SZT2: variants seen among roughly 807,000 people sequenced by gnomAD.
The protein encoded by SZT2 is SZT2 subunit of KICSTOR complex.
Under a neutral mutation model 404.2 loss-of-function variants are expected in SZT2, and 216 were observed. The ratio of observed to expected loss-of-function variants is 0.53; its 90% CI spans 0.48 to 0.60. SZT2 has a LOEUF of 0.60. Ranked by LOEUF, SZT2 falls within the 20% of genes least tolerant of loss-of-function variation. SZT2 has a pLI of 0.00. For synonymous variants in SZT2, 1,693 were observed against 1,749.9 expected, an observed-to-expected ratio of 0.97 and a Z score of 0.81; for missense variants, 3,857 against 4,459.2, an observed-to-expected ratio of 0.86 and a Z score of 3.85.
chr1:43,454,116 G>A lies in SZT2; in HGVS notation c.*3636G>A. ...CGAAGCAAGAGAGAGCTGGCTGCCC[G>A]AGGGCCCGGTTGCAATGATGGGACG... is the stretch of plus-strand genomic sequence containing the variant. On this transcript the variant is annotated 3_prime_UTR_variant, in exon 72 of 72. Transcript: ENST00000634258. 1.0e-6 allele frequency: 1 copy of A among 981,270 alleles called. No homozygotes were observed. The highest frequency in any genetic ancestry group is 1.2e-6 in the Non-Finnish European group (1 of 802,816). The allele number at this position is 981,270 out of a possible 1,614,324, so 60.8% of individuals were successfully genotyped here.
In SZT2 at chr1:43,422,670, A is replaced by AC. The variant is rs763449977; in HGVS notation, c.1922+45dup. The AC allele has an allele frequency of 4.2e-3, 2,167 of 511,208 alleles. 1 individual carries two copies. Among genetic ancestry groups the AC allele is most frequent in the Non-Finnish European group, 4.7e-3 (1,866 of 396,758 alleles). 31.7% of individuals were successfully genotyped at this position (511,208 alleles called of 1,614,324 possible). A position where few individuals can be genotyped will look rare whatever the true frequency, so the allele number is the denominator to read the frequency against. ...ATGTCCCTTCACCCCCCGCCCCCCC[A>AC]CCCCCCCGCCACCTCATCCCATGTC... is the stretch of plus-strand genomic sequence containing the variant. On this transcript the variant is annotated intron_variant, in intron 13 of 71. Coordinates refer to ENST00000634258, the MANE Select transcript of SZT2 (RefSeq NM_001365999.1).
At position 43,420,381 on chromosome 1, in the gene SZT2, G is replaced by C; in HGVS notation, c.1261+58G>C. The C allele has an allele frequency of 6.7e-7, 1 of 1,487,404 alleles. No homozygotes were observed. Among genetic ancestry groups the C allele is most frequent in the Non-Finnish European group, 8.9e-7 (1 of 1,119,912 alleles). 92.1% of individuals were successfully genotyped at this position (1,487,404 alleles called of 1,614,324 possible). The stretch of plus-strand genomic sequence containing the variant: ...AGATCTCTCAAGAATTTGTGTGTGG[G>C]AAGACCCACATGTATCACACATGAA... On this transcript the variant is annotated intron_variant, in intron 9 of 71. Transcript: ENST00000634258. This position sits in a 1 kb window ranked among gnomAD's most constrained non-coding sequence, Gnocchi z 5.1.
Position 43,431,724 on chromosome 1 carries a change from G to A in SZT2, c.5097G>A (p.Trp1699Ter). Reference protein sequence around the residue: ...AIETTMNEIRWLLEDEMVGAL... With the variant: ...AIETTMNEIR ...TTGCTGTCTAACTGTAGATCCGCTG[G>A]TTGTTGGAAGATGAGATGGTGGGGG... Residue 1699 changes from tryptophan (W) to a stop codon, truncating the protein, a stop_gained, in exon 36 of 72, where the codon TGG becomes TGA. Coordinates refer to ENST00000634258, the MANE Select transcript of SZT2 (RefSeq NM_001365999.1). LOFTEE classifies it high-confidence loss of function. The A allele has an allele frequency of 6.2e-7, 1 of 1,614,172 alleles. No homozygotes were observed. The highest frequency in any genetic ancestry group is 8.5e-7 in the Non-Finnish European group (1 of 1,180,008).
Position 43,447,656 on chromosome 1 carries a change from G to A in SZT2, c.9398G>A (p.Gly3133Asp). The change falls in exon 67 of 72, where the codon GGC becomes GAC. Residue 3133 changes from glycine to aspartate, a missense_variant. Around this residue, in one of 7 missense-constraint regions of SZT2, gnomAD observed 717 missense variants for 868.2 expected, o/e 0.83. Transcript: ENST00000634258. ...MKPLRMARPG[G>D]PEHNEYALVS... Reference sequence around the variant, plus strand: ...CCATTGCGAATGGCCCGGCCAGGGGGCCCAGAACACAACGAGTATGCCCTG... The same window carrying A: ...CCATTGCGAATGGCCCGGCCAGGGGACCCAGAACACAACGAGTATGCCCTG... The A allele has an allele frequency of 6.2e-7, 1 of 1,614,206 alleles. No individual in the cohort carries two copies. The highest frequency in any genetic ancestry group is 8.5e-7 in the Non-Finnish European group (1 of 1,180,042).
At chr1:43,416,696 G>A (rs1410405051) in intron 7 of SZT2, 55 bp downstream of exon 7, 1 of 1,391,414 alleles carries the variant, frequency 7.2e-7, no homozygotes, top group Non-Finnish European at 9.9e-7. Flanking sequence ...CACAAAGTTG[G>A]GATGGCTGAT....
Position 43,454,112 on chromosome 1 carries a change from G to T in SZT2, c.*3632G>T. ...GACGCGAAGCAAGAGAGAGCTGGCT[G>T]CCCGAGGGCCCGGTTGCAATGATGG... On this transcript the variant is annotated 3_prime_UTR_variant, in exon 72 of 72. Transcript: ENST00000634258. The T allele has an allele frequency of 1.0e-6, 1 of 985,848 alleles. No individual in the cohort carries two copies. Among genetic ancestry groups the T allele is most frequent in the Non-Finnish European group, 1.2e-6 (1 of 806,752 alleles). 61.1% of individuals were successfully genotyped at this position (985,848 alleles called of 1,614,324 possible).
chr1:43,396,897 A>G (rs1649060330), intron 1 of SZT2, among the ~76,000 whole-genome samples: 1 of 152,220 alleles, frequency 6.6e-6, no homozygotes, highest in Non-Finnish European at 1.5e-5. Flanking sequence ...AGAATAGCTT[A>G]CCTTGTCCAT....
Position 43,452,413 on chromosome 1 carries a change from C to G in SZT2, c.*1933C>G, listed in dbSNP as rs1439977717. 4 of 963,434 alleles carry G rather than the reference C, an allele frequency of 4.2e-6. No homozygotes were observed. Among genetic ancestry groups the G allele is most frequent in the Middle Eastern group, 2.1e-4 (1 of 4,680 alleles). The allele number at this position is 963,434 out of a possible 1,614,324, so 59.7% of individuals were successfully genotyped here. A position where few individuals can be genotyped will look rare whatever the true frequency, so the allele number is the denominator to read the frequency against. On this transcript the variant is annotated 3_prime_UTR_variant, in exon 72 of 72. Transcript: ENST00000634258. The stretch of plus-strand genomic sequence containing the variant: ...ACTGTGCCAGCCCTCGTCCGTCTCC[C>G]CAGGTCTCCAGTCCATGGCACCTGG...
In SZT2 at chr1:43,437,517, C is replaced by A. The variant is rs1253168385; in HGVS notation, c.6290+9C>A. 5.0e-6 allele frequency: 8 copies of A among 1,613,948 alleles called. No individual in the cohort carries two copies. Among genetic ancestry groups the A allele is most frequent in the Non-Finnish European group, 5.1e-6 (6 of 1,180,030 alleles). On this transcript the variant is annotated intron_variant, in intron 44 of 71. Transcript: ENST00000634258. This position sits in a 1 kb window ranked among gnomAD's most constrained non-coding sequence, Gnocchi z 5.3. Reference sequence around the variant, plus strand: ...GCTGTGTACTATCTTCGGTATGTGGCCCTTGGAAGGTGGGTAGGGCATGAA... The same window carrying A: ...GCTGTGTACTATCTTCGGTATGTGGACCTTGGAAGGTGGGTAGGGCATGAA...
At position 43,420,753 on chromosome 1, in the gene SZT2, G is replaced by T; in HGVS notation, c.1266G>T (p.Gly422=). The change falls in exon 10 of 72, where the codon GGG becomes GGT. Residue 422 remains glycine (G), a synonymous_variant. Transcript: ENST00000634258. The surrounding 1 kb of genome is among the most constrained non-coding windows in gnomAD (Gnocchi z 5.1). ...GCCCTTCCGCTTCTCCCTAAGGAGGGTCCCAATTGGAGGTAAAGCTGGTGC... is the reference window on the plus strand; with the variant it reads ...GCCCTTCCGCTTCTCCCTAAGGAGGTTCCCAATTGGAGGTAAAGCTGGTGC... The part of the protein sequence containing the change: ...SVREVTLAKG[G]SQLEVKLVLL... 2.5e-6 allele frequency: 4 copies of T among 1,598,342 alleles called. No individual in the cohort carries two copies. The highest frequency in any genetic ancestry group is 3.4e-6 in the Non-Finnish European group (4 of 1,179,786).
Position 43,439,961 on chromosome 1 carries a change from C to G in SZT2, c.7123C>G (p.Arg2375Gly), listed in dbSNP as rs761487760. 1.9e-6 allele frequency: 3 copies of G among 1,613,878 alleles called. No individual in the cohort carries two copies. Among genetic ancestry groups the G allele is most frequent in the Non-Finnish European group, 2.5e-6 (3 of 1,179,964 alleles). Residue 2375 changes from arginine to glycine, a missense_variant, in exon 51 of 72, where the codon CGA becomes GGA. By Grantham distance (125) the Arg-to-Gly change is moderately radical (BLOSUM62 -2). This residue lies in a region of SZT2 where 573 missense variants were observed against 592.4 expected (regional missense o/e 0.97). Coordinates refer to ENST00000634258, the MANE Select transcript of SZT2 (RefSeq NM_001365999.1). This position sits in a 1 kb window ranked among gnomAD's most constrained non-coding sequence, Gnocchi z 4.2. ...TATTGTGCAGCTGGAGGAGAAACTC[C>G]GAGGAGCAGCTCGCCAGGCCCTGGC... ...ISIVQLEEKL[R>G]GAARQALADA... is the part of the protein sequence containing the mutation.
chr1:43,419,802 C>T lies in SZT2; in HGVS notation c.948C>T (p.Ile316=), dbSNP rs748731171. The change falls in exon 8 of 72, where the codon ATC becomes ATT. Residue 316 remains isoleucine (I), a synonymous_variant. Coordinates refer to ENST00000634258, the MANE Select transcript of SZT2 (RefSeq NM_001365999.1). ...HVPNVELMKF[I]AMATFGSYLS... ...CCAATGTGGAATTAATGAAGTTCAT[C>T]GCAATGGCAACATTTGGGTCCTACC... 37 of 1,598,332 alleles carry T rather than the reference C, an allele frequency of 2.3e-5. No homozygotes were observed. The highest frequency in any genetic ancestry group is 3.0e-5 in the Non-Finnish European group (35 of 1,179,802).
At chr1:43,413,901 C>T (rs1460749597) in intron 4 of SZT2, among the ~76,000 whole-genome samples, 2 of 152,146 alleles carry the variant, frequency 1.3e-5, no homozygotes, top group African/African-American at 4.8e-5. Flanking sequence ...GCACAGTAGA[C>T]TGACTACAGT....
chr1:43,427,052 A>G lies in SZT2; in HGVS notation c.3310-4A>G. ...TTGCTCTAATTTCTGTTTTTCTCTT[A>G]CAGAGTGTAGGTCTTCCTGAAACTC... On this transcript the variant is annotated splice_polypyrimidine_tract_variant and splice_region_variant and intron_variant, in intron 23 of 71. Coordinates refer to ENST00000634258, the MANE Select transcript of SZT2 (RefSeq NM_001365999.1). The G allele has an allele frequency of 6.2e-7, 1 of 1,614,024 alleles. No individual in the cohort carries two copies. Among genetic ancestry groups the G allele is most frequent in the Non-Finnish European group, 8.5e-7 (1 of 1,179,948 alleles).
At chr1:43,403,507 C>A in intron 2 of SZT2, 94 bp from the exon 3 acceptor site, 2 of 1,462,048 alleles carry the variant, frequency 1.4e-6, no homozygotes, top group African/African-American at 1.4e-5. Flanking sequence ...GGAGGTAGAG[C>A]CAATGATGTG....
chr1:43,414,782 G>A (rs921033076), intron 4 of SZT2, among the ~76,000 whole-genome samples: 6 of 152,246 alleles, frequency 3.9e-5, no homozygotes, highest in African/African-American at 1.4e-4. Flanking sequence ...GGTAGAAGAA[G>A]CTATTAATAG....
In SZT2 at chr1:43,425,964, C is replaced by T. The variant is rs1030508390; in HGVS notation, c.2929+15C>T. ...GGTCTCTGATGGTGAGTGGGGCAGG[C>T]GGCCCACTGGTGGAGCAGGGGAGTG... On this transcript the variant is annotated intron_variant, in intron 20 of 71. Coordinates refer to ENST00000634258, the MANE Select transcript of SZT2 (RefSeq NM_001365999.1). The surrounding 1 kb of genome is among the most constrained non-coding windows in gnomAD (Gnocchi z 4.3). 1.1e-5 allele frequency: 17 copies of T among 1,610,068 alleles called. No individual in the cohort carries two copies. Among genetic ancestry groups the T allele is most frequent in the Non-Finnish European group, 1.4e-5 (16 of 1,176,394 alleles).
chr1:43,418,718 A>G lies in SZT2; in HGVS notation c.880-1016A>G, dbSNP rs572945708. On this transcript the variant is annotated intron_variant, in intron 7 of 71. Transcript: ENST00000634258. ...GAAGAGGGCCAGGGATTTGAGAGCGATGCTTATGAAGTTGTCTGAATGTAG... is the reference window on the plus strand; with the variant it reads ...GAAGAGGGCCAGGGATTTGAGAGCGGTGCTTATGAAGTTGTCTGAATGTAG... Among the ~76,000 whole-genome samples the G allele has an allele frequency of 2.1e-4, 32 of 152,276 alleles. No homozygotes were observed. The East Asian group carries it at 5.8e-3, about 28-fold the overall frequency.
intron 70 of SZT2, 191 bp from the exon 71 acceptor site, chr1:43,449,912 C>T: frequency 4.5e-6 from 3 of 668,834 alleles, no homozygotes; most frequent in Non-Finnish European, 8.0e-6. Context: ...GCAGCTCAGA[C>T]AGGCTGACCA....
Sources: allele counts gnomAD v4.1 joint callset (sites outside exome capture counted in the v4.1 genomes callset), GRCh38; gene constraint gnomAD v4.1.1; regional missense constraint gnomAD v4.1.1; non-coding constraint Gnocchi (gnomAD v3.1); transcripts MANE v1.5; gene names NCBI Gene and HGNC (gene_info 2026-07-23, HGNC 2026-07-21).